VPS13B: variants seen among roughly 807,000 people sequenced by gnomAD.
VPS13B encodes the protein intermembrane lipid transfer protein VPS13B.
A neutral mutation model predicts 426.4 loss-of-function variants in VPS13B; 285 were observed. That is an observed-to-expected ratio of 0.67 (90% CI 0.61 to 0.74). The LOEUF (loss-of-function observed/expected upper bound fraction) is 0.74. Ranked by LOEUF, VPS13B falls within the 30% of genes least tolerant of loss-of-function variation. The pLI is 0.00. For missense variants in VPS13B, 4,537 were observed against 4,782.6 expected, an observed-to-expected ratio of 0.95 and a Z score of 1.51; for synonymous variants, 1,676 against 1,676.4, an observed-to-expected ratio of 1.00 and a Z score of 0.01.
intron 51 of VPS13B, among the ~76,000 whole-genome samples, chr8:99,827,724 CT>C (rs1814781987): frequency 6.6e-6 from 1 of 152,092 alleles, no homozygotes; most frequent in South Asian, 2.1e-4. Context: ...GCATTTGGTG[CT>C]ATAAATATCC....
At chr8:99,670,068 A>ACCC (rs1830645187) in intron 35 of VPS13B, among the ~76,000 whole-genome samples, 1 of 151,940 alleles carries the variant, frequency 6.6e-6, no homozygotes, top group African/African-American at 2.4e-5. Flanking sequence ...TAAGTTGTTT[A>ACCC]CCCCCAAATA....
At position 99,187,155 on chromosome 8, in the gene VPS13B, A is replaced by G. The variant is rs186686873; in HGVS notation, c.2334-5721A>G. ...ATTGTACATTTTCGTATTATAGGAGATATTCCAAATATCTGTGTTCTTTAC... is the reference window on the plus strand; with the variant it reads ...ATTGTACATTTTCGTATTATAGGAGGTATTCCAAATATCTGTGTTCTTTAC... On this transcript the variant is annotated intron_variant, in intron 16 of 61. Transcript: ENST00000357162. Among the ~76,000 whole-genome samples the G allele has an allele frequency of 6.3e-3, 960 of 152,172 alleles. 7 individuals carry two copies. Among genetic ancestry groups the G allele is most frequent in the African/African-American group, 0.022 (899 of 41,506 alleles).
intron 54 of VPS13B, among the ~76,000 whole-genome samples, chr8:99,842,124 A>G (rs1815722073): frequency 6.6e-6 from 1 of 152,224 alleles, no homozygotes; most frequent in Non-Finnish European, 1.5e-5. Context: ...CCACATATAT[A>G]GAGATATCAG....
rs548249984 is a variant in VPS13B at position 99,266,319 on chromosome 8, G to A, written c.2516-7879G>A. Reference sequence around the variant, plus strand: ...CCCAGCTACCCAGGAGGCTGAGATGGGAGGATCACTTGAGCCCAGGAGCTC... The same window carrying A: ...CCCAGCTACCCAGGAGGCTGAGATGAGAGGATCACTTGAGCCCAGGAGCTC... On this transcript the variant is annotated intron_variant, in intron 17 of 61. Transcript: ENST00000357162. 3.8e-4 allele frequency among the ~76,000 whole-genome samples: 58 copies of A among 152,154 alleles called. 1 individual carries two copies. Among genetic ancestry groups the A allele is most frequent in the South Asian group, 1.5e-3 (7 of 4,822 alleles).
intron 33 of VPS13B, among the ~76,000 whole-genome samples, chr8:99,622,277 G>A (rs755853836): frequency 7.2e-5 from 11 of 152,160 alleles, no homozygotes; most frequent in Non-Finnish European, 1.3e-4. Context: ...TGTTGTCAGT[G>A]AGATCTGCAG....
chr8:99,640,250 ATAAT>A (rs1471834053), intron 33 of VPS13B, among the ~76,000 whole-genome samples: 3 of 151,778 alleles, frequency 2.0e-5, no homozygotes, highest in Admixed American at 6.6e-5. Context: ...CATTTGCCTA[ATAAT>A]TCCACTTTTT....
At chr8:99,137,696 T>C (rs1031817006) in intron 12 of VPS13B, among the ~76,000 whole-genome samples, 3 of 152,208 alleles carry the variant, frequency 2.0e-5, no homozygotes, top group African/African-American at 7.2e-5. Flanking sequence ...GGTCAATCCT[T>C]AATTTCTTTC....
At position 99,130,284 on chromosome 8, in the gene VPS13B, C is replaced by G. The variant is rs191446480; in HGVS notation, c.1207-4348C>G. Among the ~76,000 whole-genome samples the G allele has an allele frequency of 2.0e-5, 3 of 152,030 alleles. No individual in the cohort carries two copies. The East Asian group carries it at 5.8e-4, about 29-fold the overall frequency. ...TTAAGAAAACAAGATCATGTTTCTACATTAGCATTTTGAGCAGTTGATATC... is the reference window on the plus strand; with the variant it reads ...TTAAGAAAACAAGATCATGTTTCTAGATTAGCATTTTGAGCAGTTGATATC... On this transcript the variant is annotated intron_variant, in intron 8 of 61. Coordinates refer to ENST00000357162, the MANE Select transcript of VPS13B (RefSeq NM_152564.5).
rs150459485 is a variant in VPS13B at position 99,109,834 on chromosome 8, G to A, written c.581-1264G>A. 3.1e-3 allele frequency among the ~76,000 whole-genome samples: 473 copies of A among 152,194 alleles called. 1 individual carries two copies. Among genetic ancestry groups the A allele is most frequent in the African/African-American group, 4.7e-3 (195 of 41,538 alleles). On this transcript the variant is annotated intron_variant, in intron 5 of 61. Coordinates refer to ENST00000357162, the MANE Select transcript of VPS13B (RefSeq NM_152564.5). ...AGTTTTCACATTTTTTAACAGGACC[G>A]TGTAAATATTGTCAGATAAGAGATG...
chr8:99,174,360 A>G (rs1278870306), intron 16 of VPS13B, among the ~76,000 whole-genome samples: 2 of 152,190 alleles, frequency 1.3e-5, no homozygotes, highest in Non-Finnish European at 2.9e-5. Flanking sequence ...TTGCTGTATC[A>G]TATGGTAATT....
intron 16 of VPS13B, among the ~76,000 whole-genome samples, chr8:99,185,720 T>G (rs1813186133): frequency 6.6e-6 from 1 of 152,170 alleles, no homozygotes; most frequent in East Asian, 1.9e-4. Flanking sequence ...AATTTAATGG[T>G]ATCGCTATGA....
intron 34 of VPS13B, among the ~76,000 whole-genome samples, chr8:99,658,198 T>A (rs1022448293): frequency 1.3e-5 from 2 of 152,206 alleles, no homozygotes; most frequent in African/African-American, 4.8e-5. Flanking sequence ...TTAACAGATT[T>A]TTTTTACCAT....
intron 33 of VPS13B, among the ~76,000 whole-genome samples, chr8:99,601,157 A>AC (rs751126102): frequency 1.0e-3 from 158 of 150,886 alleles, no homozygotes; most frequent in Non-Finnish European, 1.2e-3. Flanking sequence ...CTAGCCCCTG[A>AC]CCCCCCAACA....
intron 19 of VPS13B, among the ~76,000 whole-genome samples, chr8:99,358,677 C>T (rs1281543360): frequency 6.6e-6 from 1 of 152,162 alleles, no homozygotes; most frequent in Admixed American, 6.5e-5. Context: ...TGGAGAGTCT[C>T]ACTTTAGGAC....
intron 19 of VPS13B, among the ~76,000 whole-genome samples, chr8:99,313,183 C>A (rs1821110076): frequency 6.6e-6 from 1 of 152,204 alleles, no homozygotes; most frequent in East Asian, 1.9e-4. Context: ...AAGTCGTTCT[C>A]CATCCAGCTT....
intron 29 of VPS13B, among the ~76,000 whole-genome samples, chr8:99,520,662 T>C (rs1822333202): frequency 6.6e-6 from 1 of 152,104 alleles, no homozygotes; most frequent in Admixed American, 6.6e-5. Context: ...GTTGTTTTTC[T>C]TTTCTTTGCT....
At chr8:99,275,390 T>C (rs1818847535) in intron 19 of VPS13B, 136 bp downstream of exon 19, 1 of 789,644 alleles carries the variant, frequency 1.3e-6, no homozygotes, top group Admixed American at 3.1e-5. Context: ...TTGTGCTTTT[T>C]CAAAATTCAA....
intron 17 of VPS13B, among the ~76,000 whole-genome samples, chr8:99,252,093 T>C (rs1191188018): frequency 6.6e-6 from 1 of 151,814 alleles, no homozygotes; most frequent in Non-Finnish European, 1.5e-5. Flanking sequence ...CTATCTTTGT[T>C]ATTTTTTGTC....
At chr8:99,083,916 G>C (rs1196151656) in intron 3 of VPS13B, among the ~76,000 whole-genome samples, 2 of 149,320 alleles carry the variant, frequency 1.3e-5, no homozygotes, top group South Asian at 4.3e-4. Flanking sequence ...GTCTAAAATT[G>C]TCTTTTTGTA....
Sources: gnomAD v4.1 joint callset for allele counts (sites outside exome capture counted in the v4.1 genomes callset) on GRCh38, gnomAD v4.1.1 for gene constraint, MANE v1.5 for transcripts, NCBI Gene and HGNC (gene_info 2026-07-23, HGNC 2026-07-21) for gene names.